The following PMFBP1 variants were observed in gnomAD, a reference collection of about 807,000 sequenced individuals.
The protein encoded by PMFBP1 is polyamine-modulated factor 1-binding protein 1.
Under a neutral mutation model 137.8 loss-of-function variants are expected in PMFBP1, and 131 were observed. The ratio of observed to expected loss-of-function variants is 0.95; its 90% CI spans 0.82 to 1.10. The LOEUF is 1.10. Among genes scored for constraint, PMFBP1 ranks in the 50% least tolerant of loss-of-function variants. PMFBP1 has a pLI of 0.00. For synonymous variants in PMFBP1, 490 were observed against 450.4 expected (o/e 1.09, Z -1.11); for missense variants, 1,199 against 1,175.4 (o/e 1.02, Z -0.29).
chr16:72,152,948 A>C (rs1421485531), intron 4 of PMFBP1, among the ~76,000 whole-genome samples: 1 of 152,086 alleles, frequency 6.6e-6, no homozygotes, highest in Admixed American at 6.5e-5. Context: ...GGTGGAACCC[A>C]AGGATAGACC....
chr16:72,164,081 G>A (rs970117143), intron 3 of PMFBP1, among the ~76,000 whole-genome samples: 1 of 151,954 alleles, frequency 6.6e-6, no homozygotes, highest in Non-Finnish European at 1.5e-5. Flanking sequence ...AAAAAAAAAG[G>A]TGTGTCATCA....
At chr16:72,143,519 G>C (rs2042755464) in intron 5 of PMFBP1, among the ~76,000 whole-genome samples, 1 of 152,124 alleles carries the variant, frequency 6.6e-6, no homozygotes, top group Non-Finnish European at 1.5e-5. Context: ...GAGGTGGGAA[G>C]ATCACTTGAG....
intron 7 of PMFBP1, among the ~76,000 whole-genome samples, chr16:72,137,465 A>T (rs1009887673): frequency 1.8e-4 from 28 of 152,174 alleles, no homozygotes; most frequent in Admixed American, 1.3e-3. Flanking sequence ...GGGGAGGCGC[A>T]TGTTGCAATT....
intron 5 of PMFBP1, among the ~76,000 whole-genome samples, chr16:72,144,752 GACAGAT>G (rs201373208): frequency 0.02 from 3,018 of 152,258 alleles, 40 homozygotes; most frequent in Non-Finnish European, 0.025. Flanking sequence ...ATAAAGGACT[GACAGAT>G]TCAACTCCAT....
chr16:72,130,641 C>G lies in PMFBP1; in HGVS notation c.1529G>C (p.Gly510Ala). The change falls in exon 11 of 21, where the codon GGT becomes GCT. Residue 510 changes from glycine to alanine, a missense_variant. Gly to Ala is a moderately conservative substitution (Grantham distance 60). Transcript: ENST00000237353. ...LEDTQRKLQK[G>A]LLLDKQKADT... The stretch of plus-strand genomic sequence containing the variant: ...TGCCTTCTGCTTGTCCAGGAGGAGA[C>G]CCTTCTGCAGTTTCCTCTGGGTGTC... 6.2e-7 allele frequency: 1 copy of G among 1,613,924 alleles called. No individual in the cohort carries two copies. Among genetic ancestry groups the G allele is most frequent in the Non-Finnish European group, 8.5e-7 (1 of 1,179,976 alleles).
chr16:72,188,334 A>C, the PMFBP1 span, among the ~76,000 whole-genome samples: 2 of 152,226 alleles, frequency 1.3e-5, no homozygotes, highest in Non-Finnish European at 2.9e-5. Context: ...GGTGTATTCT[A>C]ATCGTAGACA....
At chr16:72,198,732 A>T in the PMFBP1 span, among the ~76,000 whole-genome samples, 2 of 152,062 alleles carry the variant, frequency 1.3e-5, no homozygotes, top group Non-Finnish European at 1.5e-5. Flanking sequence ...GCCCCATCAT[A>T]ATAAGGCAAA....
the PMFBP1 span, among the ~76,000 whole-genome samples, chr16:72,207,710 ATGTGTGTGTG>A: frequency 1.2e-3 from 168 of 144,028 alleles, 1 homozygote; most frequent in African/African-American, 3.7e-3. Context: ...CCAGTAGGGC[ATGTGTGTGTG>A]TGTGTGTGTG....
chr16:72,164,597 G>A, intron 3 of PMFBP1, 167 bp downstream of exon 3: 1 of 1,198,168 alleles, frequency 8.3e-7, no homozygotes, highest in Non-Finnish European at 1.2e-6. Flanking sequence ...TTTTCCATGT[G>A]TATGTGCGTT....
At chr16:72,213,201 G>C in the PMFBP1 span, among the ~76,000 whole-genome samples, 2 of 151,146 alleles carry the variant, frequency 1.3e-5, no homozygotes, top group African/African-American at 2.4e-5. Flanking sequence ...AGAGCCCGGG[G>C]GGGGGTGGGG....
chr16:72,120,037 T>C lies in PMFBP1; in HGVS notation c.2821A>G (p.Lys941Glu), dbSNP rs1161793657. ...HLQQENKKLKKEIEEKKMKAE... is the reference protein window; with the variant it reads ...HLQQENKKLKEEIEEKKMKAE... Reference sequence around the variant, plus strand: ...TTCATCTTCTTCTCTTCTATCTCCTTCTTCAGCTTCTTGTTTTCCTGCTGC... The same window carrying C: ...TTCATCTTCTTCTCTTCTATCTCCTCCTTCAGCTTCTTGTTTTCCTGCTGC... Residue 941 changes from lysine (K) to glutamate (E), a missense_variant, in exon 20 of 21, where the codon AAG becomes GAG. Coordinates refer to ENST00000237353, the MANE Select transcript of PMFBP1 (RefSeq NM_031293.3). The C allele has an allele frequency of 6.2e-7, 1 of 1,614,024 alleles. No individual in the cohort carries two copies. The highest frequency in any genetic ancestry group is 2.2e-5 in the East Asian group (1 of 44,888).
chr16:72,190,254 G>A, the PMFBP1 span, among the ~76,000 whole-genome samples: 1 of 152,158 alleles, frequency 6.6e-6, no homozygotes, highest in African/African-American at 2.4e-5. Flanking sequence ...TTTAGGGACG[G>A]ACTATTATCA....
intron 7 of PMFBP1, among the ~76,000 whole-genome samples, chr16:72,138,386 C>G (rs1338759720): frequency 6.6e-6 from 1 of 152,244 alleles, no homozygotes; most frequent in Non-Finnish European, 1.5e-5. Context: ...CATGCCAGCA[C>G]CTGCCCAGCA....
chr16:72,235,904 G>A, the PMFBP1 span, among the ~76,000 whole-genome samples: 1 of 152,062 alleles, frequency 6.6e-6, no homozygotes, highest in South Asian at 2.1e-4. Flanking sequence ...GATTGCTTAA[G>A]ATTTTCTACA....
intron 4 of PMFBP1, among the ~76,000 whole-genome samples, chr16:72,152,657 C>T (rs1258748718): frequency 6.6e-6 from 1 of 151,890 alleles, no homozygotes; most frequent in Non-Finnish European, 1.5e-5. Flanking sequence ...CCAGCCTGGC[C>T]AACATGGTGA....
chr16:72,160,261 A>G (rs1329643607), intron 3 of PMFBP1, among the ~76,000 whole-genome samples: 1 of 152,190 alleles, frequency 6.6e-6, no homozygotes, highest in African/African-American at 2.4e-5. Context: ...TAAGTTCTGT[A>G]TTTTCCTTGT....
At chr16:72,235,612 C>T in the PMFBP1 span, among the ~76,000 whole-genome samples, 4 of 151,650 alleles carry the variant, frequency 2.6e-5, no homozygotes, top group African/African-American at 7.3e-5. Flanking sequence ...TTGGGAAATA[C>T]GGTCATCTTG....
chr16:72,237,280 T>C, the PMFBP1 span, among the ~76,000 whole-genome samples: 8 of 152,172 alleles, frequency 5.3e-5, no homozygotes, highest in Admixed American at 6.6e-5. Context: ...GAAAGCTTCC[T>C]ATATTGCTGC....
chr16:72,176,249 A>G (rs770293962), upstream of PMFBP1, among the ~76,000 whole-genome samples: 20 of 152,220 alleles, frequency 1.3e-4, no homozygotes, highest in Non-Finnish European at 2.9e-4. Flanking sequence ...ATTAGGGGCC[A>G]GGAGGAGCAG....
Sources: gnomAD v4.1 joint callset for allele counts (sites outside exome capture counted in the v4.1 genomes callset) on GRCh38, gnomAD v4.1.1 for gene constraint, MANE v1.5 for transcripts, NCBI Gene and HGNC (gene_info 2026-07-23, HGNC 2026-07-21) for gene names.